Variants in FRMPD4 observed in about 807,000 individuals in gnomAD.
The protein encoded by FRMPD4 is FERM and PDZ domain-containing protein 4.
FRMPD4 carries 22 observed loss-of-function variants against 94.1 expected under a neutral mutation model. The ratio of observed to expected loss-of-function variants is 0.23; its 90% CI spans 0.17 to 0.33. The LOEUF (loss-of-function observed/expected upper bound fraction) is 0.33. Ranked by LOEUF, FRMPD4 falls within the 10% of genes least tolerant of loss-of-function variation. FRMPD4 has a pLI of 1.00. For synonymous variants in FRMPD4, 631 were observed against 548.6 expected (o/e 1.15, Z -2.10); for missense variants, 1,111 against 1,339.9 (o/e 0.83, Z 2.67).
chrX:12,696,747 T>C (rs1272597046), intron 9 of FRMPD4, among the ~76,000 whole-genome samples: 2 of 112,005 alleles, frequency 1.8e-5, no homozygotes, highest in Non-Finnish European at 3.8e-5. Context: ...TGGTGTTTGC[T>C]TTACCATTTC....
intron 14 of FRMPD4, among the ~76,000 whole-genome samples, 162 bp from the exon 15 acceptor site, chrX:12,715,907 G>A (rs1488391379): frequency 2.7e-5 from 3 of 111,800 alleles, no homozygotes; most frequent in Non-Finnish European, 5.6e-5. Flanking sequence ...TACACCTGAA[G>A]CCTAAATCAA....
At chrX:12,703,193 T>G (rs1387145322) in intron 10 of FRMPD4, among the ~76,000 whole-genome samples, 1 of 112,632 alleles carries the variant, frequency 8.9e-6, no homozygotes, top group Non-Finnish European at 1.9e-5. Context: ...CATTGAGCAT[T>G]TTATATAGCA....
At chrX:12,515,346 C>A (rs1239908138) in intron 2 of FRMPD4, among the ~76,000 whole-genome samples, 2 of 111,731 alleles carry the variant, frequency 1.8e-5, no homozygotes, top group East Asian at 5.6e-4. Context: ...AAATTTCCCA[C>A]TTAACACTGC....
chrX:12,342,751 G>A (rs1316940989), intron 1 of FRMPD4, among the ~76,000 whole-genome samples: 2 of 112,344 alleles, frequency 1.8e-5, no homozygotes, highest in African/African-American at 6.5e-5. Context: ...ACCAAACTGA[G>A]AAAATTAATT....
intron 1 of FRMPD4, among the ~76,000 whole-genome samples, chrX:12,485,541 T>C (rs1294530019): frequency 4.3e-5 from 2 of 46,655 alleles, no homozygotes; most frequent in East Asian, 1.1e-3. Context: ...TGGATGCTGA[T>C]AGACCTTCTT....
chrX:12,583,365 G>T (rs1279951170), intron 2 of FRMPD4: 2 of 803,017 alleles, frequency 2.5e-6, no homozygotes, highest in African/African-American at 4.1e-5. Flanking sequence ...GCCCCAGGCC[G>T]GCTGAGACGG....
At chrX:12,145,712 G>A (rs190985585) in intron 1 of FRMPD4, among the ~76,000 whole-genome samples, 1 of 112,649 alleles carries the variant, frequency 8.9e-6, no homozygotes, top group East Asian at 2.8e-4. Context: ...GGCTTGCAAA[G>A]CCTAAAATAT....
intron 1 of FRMPD4, among the ~76,000 whole-genome samples, chrX:12,180,367 A>T (rs1771056386): frequency 8.9e-6 from 1 of 111,797 alleles, no homozygotes; most frequent in Non-Finnish European, 1.9e-5. Flanking sequence ...ATTAAGAATA[A>T]AACAGGTAAT....
At chrX:11,954,791 A>G (rs1221061164) in intron 3 of FRMPD4, among the ~76,000 whole-genome samples, 1 of 110,198 alleles carries the variant, frequency 9.1e-6, no homozygotes, top group African/African-American at 3.3e-5. Context: ...AATTGATGGT[A>G]GAAACTGCAA....
chrX:12,245,526 T>C (rs984115676), intron 1 of FRMPD4, among the ~76,000 whole-genome samples: 1 of 104,045 alleles, frequency 9.6e-6, no homozygotes, highest in Non-Finnish European at 2.0e-5. Flanking sequence ...TTTTTTTTTT[T>C]TTTTTTTCAA....
At chrX:12,603,425 G>A (rs968669157) in intron 2 of FRMPD4, among the ~76,000 whole-genome samples, 2 of 112,004 alleles carry the variant, frequency 1.8e-5, no homozygotes, top group East Asian at 5.6e-4. Context: ...GACACATTGG[G>A]TGTATCAGTG....
chrX:12,142,224 G>A (rs5979515), intron 1 of FRMPD4, among the ~76,000 whole-genome samples: 47,529 of 110,398 alleles, frequency 0.43, 8,784 homozygotes, highest in East Asian at 0.82. Flanking sequence ...GGGTTATTTT[G>A]TGGTATATAG....
chrX:12,173,413 T>C (rs1030882875), intron 1 of FRMPD4, among the ~76,000 whole-genome samples: 2 of 112,290 alleles, frequency 1.8e-5, no homozygotes, highest in South Asian at 7.5e-4. Flanking sequence ...CACCAGCTTT[T>C]CCCTGTGGCT....
intron 2 of FRMPD4, among the ~76,000 whole-genome samples, chrX:12,590,288 T>C (rs1380951814): frequency 8.9e-6 from 1 of 112,351 alleles, no homozygotes; most frequent in Non-Finnish European, 1.9e-5. Context: ...ATTATCGACA[T>C]TGCATTTTGA....
intron 3 of FRMPD4, among the ~76,000 whole-genome samples, chrX:12,062,754 G>C (rs2054894436): frequency 9.0e-6 from 1 of 111,332 alleles, no homozygotes; most frequent in African/African-American, 3.3e-5. Context: ...GGTGGTTATA[G>C]GGCAACTTTG....
intron 2 of FRMPD4, among the ~76,000 whole-genome samples, chrX:12,528,686 T>C (rs2148285482): frequency 9.0e-6 from 1 of 111,705 alleles, no homozygotes; most frequent in East Asian, 2.8e-4. Context: ...CAGCCTGCAC[T>C]GGGCTCCTCA....
chrX:12,498,890 C>A, intron 2 of FRMPD4, 94 bp downstream of exon 2: 1 of 466,015 alleles, frequency 2.1e-6, no homozygotes, highest in South Asian at 5.2e-5. Flanking sequence ...ATTAGGCACT[C>A]ATAGGCATTT....
At chrX:12,234,856 A>G (rs2057054179) in intron 1 of FRMPD4, among the ~76,000 whole-genome samples, 1 of 112,029 alleles carries the variant, frequency 8.9e-6, no homozygotes, top group South Asian at 3.7e-4. Context: ...GACAGAGATC[A>G]GGAGTGAAAA....
At position 12,289,855 on chromosome X, in the gene FRMPD4, T is replaced by C. The variant is rs762957468; in HGVS notation, c.41+150843T>C. ...GACCCAGCCATGGAATCCAGATAAA[T>C]ACAGTATTTCCTGAGAGGGGTTTAA... On this transcript the variant is annotated intron_variant, in intron 1 of 16. Transcript: ENST00000675598. 8.0e-4 allele frequency among the ~76,000 whole-genome samples: 90 copies of C among 111,968 alleles called. 1 individual carries two copies. Among genetic ancestry groups the C allele is most frequent in the African/African-American group, 2.9e-3 (88 of 30,874 alleles).
Sources: allele counts gnomAD v4.1 joint callset (sites outside exome capture counted in the v4.1 genomes callset), GRCh38; gene constraint gnomAD v4.1.1; transcripts MANE v1.5; gene names NCBI Gene and HGNC (gene_info 2026-07-23, HGNC 2026-07-21).